The following KCND2 variants were observed in gnomAD, a reference collection of about 807,000 sequenced individuals.
KCND2 encodes A-type voltage-gated potassium channel KCND2.
In KCND2, 16 loss-of-function variants were observed where a neutral mutation model predicts 54.4. That is an observed-to-expected ratio of 0.29 (90% CI 0.20 to 0.45). The LOEUF (loss-of-function observed/expected upper bound fraction) is 0.45, where lower values mean the gene tolerates loss of function less well. Ranked by LOEUF, KCND2 falls within the 20% of genes least tolerant of loss-of-function variation. The probability of loss-of-function intolerance (pLI) is 1.00; values close to 1 mark genes in which losing one functional copy is unlikely to be tolerated. For missense variants in KCND2, 486 were observed against 824.2 expected (o/e 0.59, Z 5.02); for synonymous variants, 317 against 310.7 (o/e 1.02, Z -0.21).
chr7:120,318,686 G>C (rs1799849437), intron 1 of KCND2, among the ~76,000 whole-genome samples: 1 of 152,050 alleles, frequency 6.6e-6, no homozygotes, highest in South Asian at 2.1e-4. Flanking sequence ...ACATTTTAGT[G>C]CTTCAGGATT....
chr7:120,552,354 G>A (rs1361731729), intron 1 of KCND2, among the ~76,000 whole-genome samples: 1 of 152,174 alleles, frequency 6.6e-6, no homozygotes. Context: ...ACTTCTCCCT[G>A]TAGGGGAGGA....
intron 1 of KCND2, among the ~76,000 whole-genome samples, chr7:120,406,110 C>A (rs1273859535): frequency 6.6e-6 from 1 of 151,436 alleles, no homozygotes; most frequent in East Asian, 1.9e-4. Context: ...TTATTTTTTC[C>A]CAGGGAAGCC....
chr7:120,301,372 CAG>C (rs1477941854), intron 1 of KCND2, among the ~76,000 whole-genome samples: 2 of 152,122 alleles, frequency 1.3e-5, no homozygotes, highest in South Asian at 2.1e-4. Flanking sequence ...ATTTTCCCCT[CAG>C]TAAACAAATG....
intron 1 of KCND2, among the ~76,000 whole-genome samples, chr7:120,443,324 A>G (rs952392626): frequency 9.9e-5 from 15 of 150,782 alleles, no homozygotes; most frequent in African/African-American, 2.9e-4. Context: ...GTTTCACTGG[A>G]TAACAATCTC....
intron 1 of KCND2, among the ~76,000 whole-genome samples, chr7:120,369,424 T>C (rs1364041555): frequency 6.6e-6 from 1 of 152,066 alleles, no homozygotes; most frequent in Non-Finnish European, 1.5e-5. Context: ...CATGCTTCAC[T>C]GGTTGCAATT....
At chr7:120,516,994 T>C (rs1198539567) in intron 1 of KCND2, among the ~76,000 whole-genome samples, 1 of 152,132 alleles carries the variant, frequency 6.6e-6, no homozygotes, top group Non-Finnish European at 1.5e-5. Context: ...AATTTTATTT[T>C]CTCCAAAGGA....
intron 1 of KCND2, among the ~76,000 whole-genome samples, chr7:120,434,848 A>G (rs372233663): frequency 6.6e-6 from 1 of 152,004 alleles, no homozygotes; most frequent in Non-Finnish European, 1.5e-5. Context: ...TCCAGGTGTG[A>G]GCTATTACCC....
chr7:120,629,987 G>C (rs958952324), intron 1 of KCND2, among the ~76,000 whole-genome samples: 1 of 152,152 alleles, frequency 6.6e-6, no homozygotes. Flanking sequence ...AAGAAATTGA[G>C]GCTGGAGTTA....
intron 1 of KCND2, among the ~76,000 whole-genome samples, chr7:120,513,767 C>T (rs1262904145): frequency 6.6e-6 from 1 of 151,912 alleles, no homozygotes; most frequent in Non-Finnish European, 1.5e-5. Context: ...CAGAATGTGT[C>T]ATTCTGGTAA....
chr7:120,510,310 A>G (rs149756104), intron 1 of KCND2, among the ~76,000 whole-genome samples: 1 of 152,294 alleles, frequency 6.6e-6, no homozygotes, highest in African/African-American at 2.4e-5. Flanking sequence ...GTAGAGAAGA[A>G]GAAACTGACT....
chr7:120,614,284 A>G lies in KCND2; in HGVS notation c.1116-118619A>G, dbSNP rs113910690. ...CTCCTTGGCCTCTCAAAGTGCTGGG[A>G]TTACAGGTATGAGCCACAGAGCCTG... On this transcript the variant is annotated intron_variant, in intron 1 of 5. Transcript: ENST00000331113. Among the ~76,000 whole-genome samples the G allele has an allele frequency of 1.5e-4, 23 of 152,320 alleles. No individual in the cohort carries two copies. The South Asian group carries it at 2.9e-3, about 19-fold the overall frequency.
chr7:120,667,554 A>G (rs1450994335), intron 1 of KCND2, among the ~76,000 whole-genome samples: 1 of 152,056 alleles, frequency 6.6e-6, no homozygotes, highest in Non-Finnish European at 1.5e-5. Flanking sequence ...ATAAGAATCT[A>G]GGAAGCACCA....
intron 1 of KCND2, among the ~76,000 whole-genome samples, chr7:120,337,020 T>C (rs1316706223): frequency 6.6e-6 from 1 of 152,186 alleles, no homozygotes; most frequent in African/African-American, 2.4e-5. Flanking sequence ...GGCTTTTTTT[T>C]TCTTGGAAAA....
chr7:120,289,870 G>A (rs73429971), intron 1 of KCND2, among the ~76,000 whole-genome samples: 3,252 of 152,134 alleles, frequency 0.021, 131 homozygotes, highest in African/African-American at 0.074. Context: ...ATTTTAGTTG[G>A]TTTAGAGGAA....
intron 1 of KCND2, among the ~76,000 whole-genome samples, chr7:120,669,812 G>A (rs1365894816): frequency 1.3e-5 from 2 of 152,046 alleles, no homozygotes; most frequent in Middle Eastern, 6.8e-3. Flanking sequence ...GTAGCCAATG[G>A]GATACATTTT....
At chr7:120,665,211 G>T (rs529208310) in intron 1 of KCND2, among the ~76,000 whole-genome samples, 1 of 151,962 alleles carries the variant, frequency 6.6e-6, no homozygotes, top group Non-Finnish European at 1.5e-5. Flanking sequence ...GTGTATCATC[G>T]TAATAAAACC....
chr7:120,604,358 A>G (rs1231275280), intron 1 of KCND2, among the ~76,000 whole-genome samples: 2 of 127,444 alleles, frequency 1.6e-5, no homozygotes, highest in African/African-American at 5.5e-5. Context: ...AAAAAAAAAA[A>G]GGAAGTAGCT....
chr7:120,718,628 C>T (rs573058902), intron 1 of KCND2, among the ~76,000 whole-genome samples: 43 of 152,082 alleles, frequency 2.8e-4, no homozygotes, highest in African/African-American at 1.0e-3. Flanking sequence ...TGCCTTTTAC[C>T]AAAAGAGTGC....
chr7:120,679,875 C>T (rs978114438), intron 1 of KCND2, among the ~76,000 whole-genome samples: 1 of 152,026 alleles, frequency 6.6e-6, no homozygotes, highest in Non-Finnish European at 1.5e-5. Context: ...CATTTAAACA[C>T]GCATTGCTCT....
Sources: gnomAD v4.1 joint callset for allele counts (sites outside exome capture counted in the v4.1 genomes callset) on GRCh38, gnomAD v4.1.1 for gene constraint, MANE v1.5 for transcripts, NCBI Gene and HGNC (gene_info 2026-07-23, HGNC 2026-07-21) for gene names.